The following CNGA1 variants were observed in gnomAD, a reference collection of about 807,000 sequenced individuals.
CNGA1 encodes the protein cyclic nucleotide-gated channel alpha-1.
A neutral mutation model predicts 69.7 loss-of-function variants in CNGA1; 53 were observed. The ratio of observed to expected loss-of-function variants is 0.76; its 90% CI spans 0.61 to 0.96. The LOEUF is 0.96. CNGA1 is among the 40% of genes least tolerant of loss of function. The pLI is 0.00. For synonymous variants in CNGA1, 249 were observed against 283.5 expected, an observed-to-expected ratio of 0.88 and a Z score of 1.22; for missense variants, 739 against 811.2, an observed-to-expected ratio of 0.91 and a Z score of 1.08.
Position 47,971,204 on chromosome 4 carries a change from C to G in CNGA1, c.-15+10189G>C, listed in dbSNP as rs180935597. The G allele has an allele frequency of 1.8e-4, 62 of 346,714 alleles. 2 individuals are homozygous for G. Among genetic ancestry groups the G allele is most frequent in the African/African-American group, 8.4e-4 (36 of 42,776 alleles). 21.5% of individuals were successfully genotyped at this position (346,714 alleles called of 1,614,324 possible). A position where few individuals can be genotyped will look rare whatever the true frequency, so the allele number is the denominator to read the frequency against. On this transcript the variant is annotated intron_variant, in intron 3 of 10. Transcript: ENST00000514170. ...TGTGTGTGTGTGTGTGTGTGCTGTGCGTAAAGGAGTGGTGAGAATCTCTCT... is the reference window on the plus strand; with the variant it reads ...TGTGTGTGTGTGTGTGTGTGCTGTGGGTAAAGGAGTGGTGAGAATCTCTCT...
chr4:47,952,793 C>G (rs1204990949), intron 3 of CNGA1, 90 bp from the exon 4 acceptor site: 1 of 885,658 alleles, frequency 1.1e-6, no homozygotes, highest in Non-Finnish European at 1.6e-6. Flanking sequence ...TTAGTCTGTC[C>G]TCATGCTGCT....
At chr4:47,940,288 A>G (rs1334069627) in intron 10 of CNGA1, among the ~76,000 whole-genome samples, 1 of 152,262 alleles carries the variant, frequency 6.6e-6, no homozygotes. Context: ...CCTACTTAAC[A>G]GAAATACTTC....
Position 47,943,425 on chromosome 4 carries a change from A to T in CNGA1, c.288-13T>A. On this transcript the variant is annotated splice_polypyrimidine_tract_variant and intron_variant, in intron 6 of 10. Transcript: ENST00000514170. ...TTCTTCTGGTTCCCTAAAGAAAAAA[A>T]TAATATATCTGTCACATAATCACAG... is the stretch of plus-strand genomic sequence containing the variant. 7.2e-6 allele frequency: 10 copies of T among 1,391,684 alleles called. No individual in the cohort carries two copies. Among genetic ancestry groups the T allele is most frequent in the Non-Finnish European group, 9.7e-6 (10 of 1,026,428 alleles). The allele number at this position is 1,391,684 out of a possible 1,614,324, so 86.2% of individuals were successfully genotyped here.
At chr4:47,985,255 A>G (rs1741928961) in intron 2 of CNGA1, among the ~76,000 whole-genome samples, 1 of 152,224 alleles carries the variant, frequency 6.6e-6, no homozygotes, top group Non-Finnish European at 1.5e-5. Context: ...TTTGTTTTAC[A>G]ATAATTGCAT....
intron 2 of CNGA1, among the ~76,000 whole-genome samples, chr4:48,006,780 C>G (rs577972230): frequency 6.6e-6 from 1 of 152,154 alleles, no homozygotes; most frequent in South Asian, 2.1e-4. Flanking sequence ...TGCCACCATG[C>G]CCAGCTAATT....
chr4:47,977,787 T>C (rs185020567), intron 3 of CNGA1, among the ~76,000 whole-genome samples: 1 of 151,856 alleles, frequency 6.6e-6, no homozygotes, highest in African/African-American at 2.4e-5. Context: ...AATAAAAAAG[T>C]ATACATCTAC....
rs376959147 is a variant in CNGA1, at chr4:47,936,609, G to A, written c.1873C>T (p.Arg625Ter). ...DPKDLEEKVT[R>*]MEGSVDLLQT... Reference sequence around the variant, plus strand: ...AGGAGGTCTACTGACCCCTCCATTCGAGTAACCTTCTCTTCAAGATCTTTA... The same window carrying A: ...AGGAGGTCTACTGACCCCTCCATTCAAGTAACCTTCTCTTCAAGATCTTTA... The change falls in exon 11 of 11, where the codon CGA becomes TGA. Residue 625 changes from arginine (R) to a stop codon, truncating the protein, a stop_gained. Coordinates refer to ENST00000514170, the MANE Select transcript of CNGA1 (RefSeq NM_001379270.1). LOFTEE classifies it high-confidence loss of function. The A allele has an allele frequency of 1.3e-4, 202 of 1,614,010 alleles. 1 individual carries two copies. The highest frequency in any genetic ancestry group is 1.6e-4 in the Non-Finnish European group (189 of 1,180,028).
At chr4:47,999,857 G>T (rs1247047053) in intron 2 of CNGA1, among the ~76,000 whole-genome samples, 3 of 152,222 alleles carry the variant, frequency 2.0e-5, no homozygotes, top group Admixed American at 6.5e-5. Flanking sequence ...TGGTGACAGA[G>T]AGAGATTTCA....
At chr4:47,976,806 G>A (rs1242582434) in intron 3 of CNGA1, among the ~76,000 whole-genome samples, 1 of 152,178 alleles carries the variant, frequency 6.6e-6, no homozygotes, top group Non-Finnish European at 1.5e-5. Flanking sequence ...AGGTATGGAA[G>A]TGAGAAAGAA....
Position 47,951,554 on chromosome 4 carries a change from T to G in CNGA1, c.108-85A>C, listed in dbSNP as rs1326073487. 3.5e-6 allele frequency: 3 copies of G among 858,998 alleles called. No individual in the cohort carries two copies. In the African/African-American group the frequency reaches 5.0e-5, roughly 14 times the overall value. The allele number at this position is 858,998 out of a possible 1,614,324, so 53.2% of individuals were successfully genotyped here. A position where few individuals can be genotyped will look rare whatever the true frequency, so the allele number is the denominator to read the frequency against. ...CAACATTCCTCACTAGGGGGACAAT[T>G]GCCTCACCTCTTTTCCTTCCCTCTC... On this transcript the variant is annotated intron_variant, in intron 4 of 10. Coordinates refer to ENST00000514170, the MANE Select transcript of CNGA1 (RefSeq NM_001379270.1).
At chr4:47,980,804 C>T (rs565481415) in intron 3 of CNGA1, among the ~76,000 whole-genome samples, 2 of 151,590 alleles carry the variant, frequency 1.3e-5, no homozygotes, top group African/African-American at 2.4e-5. Context: ...AAAATATACA[C>T]GCTTATCACA....
rs979240482 is a variant in CNGA1 at position 48,006,846 on chromosome 4, C to T, written c.-123+3948G>A. ...CCATGTTGGCCAGGCTGGTCTCAAACTCTTGACCTCAAACGATCCTCCCTC... is the reference window on the plus strand; with the variant it reads ...CCATGTTGGCCAGGCTGGTCTCAAATTCTTGACCTCAAACGATCCTCCCTC... On this transcript the variant is annotated intron_variant, in intron 2 of 10. Transcript: ENST00000514170. Among the ~76,000 whole-genome samples, 51 of 152,218 alleles carry T rather than the reference C, an allele frequency of 3.4e-4. 1 individual carries two copies. Among genetic ancestry groups the T allele is most frequent in the Admixed American group, 3.0e-3 (46 of 15,292 alleles).
In CNGA1 at chr4:47,975,216, T is replaced by C. The variant is rs192950230; in HGVS notation, c.-15+6177A>G. ...GAAAATAATAATTATCCTTATAGGC[T>C]CATAAGCCAGCTGTAATTCTCATGA... On this transcript the variant is annotated intron_variant, in intron 3 of 10. Coordinates refer to ENST00000514170, the MANE Select transcript of CNGA1 (RefSeq NM_001379270.1). 3.2e-4 allele frequency among the ~76,000 whole-genome samples: 48 copies of C among 152,336 alleles called. No individual in the cohort carries two copies. In the East Asian group the frequency reaches 7.9e-3, roughly 25 times the overall value.
intron 3 of CNGA1, among the ~76,000 whole-genome samples, chr4:47,967,842 G>C (rs1318118625): frequency 1.3e-5 from 2 of 152,076 alleles, no homozygotes; most frequent in Non-Finnish European, 2.9e-5. Context: ...GCTGGGTGTG[G>C]TGGTGGGTGC....
chr4:47,942,573 T>G (rs948840482), intron 8 of CNGA1, among the ~76,000 whole-genome samples: 1 of 152,138 alleles, frequency 6.6e-6, no homozygotes, highest in African/African-American at 2.4e-5. Flanking sequence ...GGCATAGATC[T>G]GGGGTCCCCA....
intron 2 of CNGA1, 184 bp from the exon 3 acceptor site, chr4:47,981,684 A>G (rs1467551168): frequency 6.6e-6 from 1 of 152,216 alleles, no homozygotes; most frequent in African/African-American, 2.4e-5. Flanking sequence ...CAACATCATT[A>G]TCCTTTGCTT....
At chr4:47,999,523 A>T (rs1480602855) in intron 2 of CNGA1, among the ~76,000 whole-genome samples, 1 of 152,210 alleles carries the variant, frequency 6.6e-6, no homozygotes, top group African/African-American at 2.4e-5. Flanking sequence ...GGAAAATGTG[A>T]CCCATAATCA....
chr4:47,965,945 G>C (rs1740702819), intron 3 of CNGA1, among the ~76,000 whole-genome samples: 1 of 152,094 alleles, frequency 6.6e-6, no homozygotes, highest in Non-Finnish European at 1.5e-5. Context: ...TTCTTTTAGG[G>C]ACTTCGTTGC....
intron 10 of CNGA1, among the ~76,000 whole-genome samples, chr4:47,939,399 C>G (rs958347796): frequency 6.6e-6 from 1 of 152,220 alleles, no homozygotes; most frequent in Non-Finnish European, 1.5e-5. Flanking sequence ...CCCTATGTAT[C>G]TCTTCATCTG....
Sources: allele counts gnomAD v4.1 joint callset (sites outside exome capture counted in the v4.1 genomes callset), GRCh38; gene constraint gnomAD v4.1.1; transcripts MANE v1.5; gene names NCBI Gene and HGNC (gene_info 2026-07-23, HGNC 2026-07-21).